PLXDC1: variants seen among roughly 807,000 people sequenced by gnomAD.
The protein encoded by PLXDC1 is plexin domain containing 1, also known as plexin domain-containing protein 1.
Under a neutral mutation model 61.3 loss-of-function variants are expected in PLXDC1, and 39 were observed. That is an observed-to-expected ratio of 0.64 (90% CI 0.49 to 0.83). The LOEUF is 0.83. Ranked by LOEUF, PLXDC1 falls within the 40% of genes least tolerant of loss-of-function variation. The pLI is 0.00. For missense variants in PLXDC1, 596 were observed against 666.5 expected (o/e 0.89, Z 1.17); for synonymous variants, 212 against 254.5 (o/e 0.83, Z 1.59).
At chr17:39,123,481 C>T (rs930929142) in intron 2 of PLXDC1, among the ~76,000 whole-genome samples, 1 of 151,812 alleles carries the variant, frequency 6.6e-6, no homozygotes, top group Non-Finnish European at 1.5e-5. Context: ...TGAGCCACCG[C>T]GCCTGGCCTC....
chr17:39,129,766 A>G (rs893752955), intron 2 of PLXDC1, among the ~76,000 whole-genome samples: 6 of 138,340 alleles, frequency 4.3e-5, no homozygotes, highest in Non-Finnish European at 8.1e-5. Context: ...AAAGAAAGAA[A>G]GAGAGAAAGA....
At chr17:39,079,815 A>G in intron 9 of PLXDC1, 1 of 328,128 alleles carries the variant, frequency 3.0e-6, no homozygotes, top group South Asian at 2.5e-5. Flanking sequence ...GGAACCCACC[A>G]AGCCCTACTC....
At chr17:39,152,437 T>G (rs1347323225), upstream of PLXDC1, 2 of 1,009,030 alleles carry the variant, frequency 2.0e-6, no homozygotes, top group Non-Finnish European at 2.6e-6. Context: ...GATAATCTTT[T>G]TATTTTTTCT....
intron 1 of PLXDC1, among the ~76,000 whole-genome samples, chr17:39,148,681 G>A (rs1365484803): frequency 6.6e-6 from 1 of 151,594 alleles, no homozygotes; most frequent in Non-Finnish European, 1.5e-5. Flanking sequence ...GTGATCCGCC[G>A]GCCTCGGCCT....
At chr17:39,070,065 G>A in intron 12 of PLXDC1, 49 bp from the exon 13 acceptor site, 2 of 1,489,210 alleles carry the variant, frequency 1.3e-6, no homozygotes, top group Non-Finnish European at 1.9e-6. Context: ...GAGCAGGGAA[G>A]GTCGAACCAT....
chr17:39,116,357 G>A (rs76115079), intron 2 of PLXDC1, among the ~76,000 whole-genome samples: 22 of 152,284 alleles, frequency 1.4e-4, no homozygotes, highest in Middle Eastern at 3.4e-3. Flanking sequence ...CCTCCCTAGC[G>A]CAGGGGTTGG....
rs75117355 is a variant in PLXDC1 at position 39,067,958 on chromosome 17, C to A, written c.1385G>T (p.Arg462Leu). 2.5e-6 allele frequency: 4 copies of A among 1,613,586 alleles called. No individual in the cohort carries two copies. The highest frequency in any genetic ancestry group is 3.4e-6 in the Non-Finnish European group (4 of 1,179,836). The change falls in exon 14 of 14, where the codon CGT (arginine) becomes CTT (leucine). Residue 462 changes from arginine to leucine, a missense_variant and splice_region_variant. Coordinates refer to ENST00000315392, the MANE Select transcript of PLXDC1 (RefSeq NM_020405.5). ...CATGGCTGGCCAGTGGTGAGGTCTA[C>A]GCTGCAGAAGGCACAGAGGCAAAGT... ...TSNAALFFIE[R>L]RPHHWPAMKF...
intron 7 of PLXDC1, among the ~76,000 whole-genome samples, chr17:39,088,301 G>A (rs1024733894): frequency 2.6e-5 from 4 of 152,160 alleles, no homozygotes; most frequent in Non-Finnish European, 4.4e-5. Context: ...ACCCCTCCTG[G>A]ACAAATCCCC....
At chr17:39,135,154 C>A (rs1328509753) in intron 2 of PLXDC1, among the ~76,000 whole-genome samples, 2 of 152,222 alleles carry the variant, frequency 1.3e-5, no homozygotes, top group African/African-American at 4.8e-5. Flanking sequence ...CTGACATCTG[C>A]ACTCTCCAGA....
chr17:39,146,519 T>A (rs1183271921), intron 1 of PLXDC1, among the ~76,000 whole-genome samples: 4 of 151,728 alleles, frequency 2.6e-5, no homozygotes, highest in African/African-American at 9.7e-5. Flanking sequence ...TCTACTAAAA[T>A]TTTTTTTAAA....
intron 7 of PLXDC1, among the ~76,000 whole-genome samples, chr17:39,092,421 A>G (rs1211447668): frequency 2.0e-5 from 3 of 152,186 alleles, no homozygotes; most frequent in Non-Finnish European, 4.4e-5. Flanking sequence ...GACGGAAAAC[A>G]TCTACTTAAA....
At chr17:39,072,410 C>G (rs748392332) in intron 12 of PLXDC1, 40 bp downstream of exon 12, 8 of 1,478,412 alleles carry the variant, frequency 5.4e-6, no homozygotes, top group Admixed American at 2.0e-5. Context: ...GTCCAAGAGG[C>G]GCTGGGTCTG....
chr17:39,109,836 C>G (rs1482487825), intron 2 of PLXDC1, among the ~76,000 whole-genome samples: 1 of 152,158 alleles, frequency 6.6e-6, no homozygotes, highest in Non-Finnish European at 1.5e-5. Context: ...GAAGAGTACC[C>G]TATTTAATGG....
intron 2 of PLXDC1, among the ~76,000 whole-genome samples, chr17:39,111,469 G>A (rs1018773387): frequency 1.3e-5 from 2 of 152,140 alleles, no homozygotes; most frequent in Non-Finnish European, 2.9e-5. Flanking sequence ...ATTTTTAGTG[G>A]AGACGGGGTT....
chr17:39,083,485 G>A lies in PLXDC1; in HGVS notation c.963C>T (p.Asn321=). Residue 321 remains asparagine, a synonymous_variant, in exon 9 of 14, where the codon AAC becomes AAT. Coordinates refer to ENST00000315392, the MANE Select transcript of PLXDC1 (RefSeq NM_020405.5). The part of the protein sequence containing the change: ...DACMSSDLTF[N]CSWCHVLQRC... Reference sequence around the variant, plus strand: ...TCTGGAGGACATGGCACCAGCTGCAGTTGAAGGTCAGGTCTGAGGACATGC... The same window carrying A: ...TCTGGAGGACATGGCACCAGCTGCAATTGAAGGTCAGGTCTGAGGACATGC... The A allele has an allele frequency of 6.2e-7, 1 of 1,614,000 alleles. No homozygotes were observed.
In PLXDC1 at chr17:39,108,695, C is replaced by T. The variant is rs6503748; in HGVS notation, c.469+209G>A. Reference sequence around the variant, plus strand: ...TCGTGCTGGCCCGAGGAGACACACACGTGCAGGCACATGAGCAGGTCAGCT... The same window carrying T: ...TCGTGCTGGCCCGAGGAGACACACATGTGCAGGCACATGAGCAGGTCAGCT... On this transcript the variant is annotated intron_variant, in intron 4 of 13. Transcript: ENST00000315392. The T allele has an allele frequency of 0.017, 10,260 of 591,834 alleles. 597 individuals are homozygous for T. Among genetic ancestry groups the T allele is most frequent in the African/African-American group, 0.14 (7,521 of 53,852 alleles). The allele number at this position is 591,834 out of a possible 1,614,324, so 36.7% of individuals were successfully genotyped here.
In PLXDC1 at chr17:39,083,445, C is replaced by T. The variant is rs773497846; in HGVS notation, c.989+14G>A. On this transcript the variant is annotated intron_variant, in intron 9 of 13. Coordinates refer to ENST00000315392, the MANE Select transcript of PLXDC1 (RefSeq NM_020405.5). Reference sequence around the variant, plus strand: ...TCGGCCAGTGGGAGTCAGCAGGTAACCCTGGGCACAAACCTCTGGAGGACA... The same window carrying T: ...TCGGCCAGTGGGAGTCAGCAGGTAATCCTGGGCACAAACCTCTGGAGGACA... 9.9e-6 allele frequency: 16 copies of T among 1,611,530 alleles called. No homozygotes were observed. The South Asian group carries it at 1.3e-4, about 13-fold the overall frequency.
chr17:39,091,548 A>T (rs1031889332), intron 7 of PLXDC1, among the ~76,000 whole-genome samples: 2 of 152,084 alleles, frequency 1.3e-5, no homozygotes, highest in East Asian at 3.9e-4. Context: ...AGCTGGACAG[A>T]GTGGGTGGGA....
In PLXDC1 at chr17:39,108,225, C is replaced by G. The variant is rs140976560; in HGVS notation, c.490G>C (p.Val164Leu). 2 of 1,614,056 alleles carry G rather than the reference C, an allele frequency of 1.2e-6. No homozygotes were observed. The highest frequency in any genetic ancestry group is 2.7e-5 in the African/African-American group (2 of 75,044). ...ATGGFIFMGDVIHRMLTATQY... is the reference protein window; with the variant it reads ...ATGGFIFMGDLIHRMLTATQY... ...GTAGCTGTGAGCATCCGATGGATCA[C>G]GTCCCCCATGAAGATGAAGCCTAGG... Residue 164 changes from valine to leucine, a missense_variant, in exon 5 of 14, where the codon GTG becomes CTG. Physicochemically the swap from Val to Leu is conservative, Grantham distance 32. Transcript: ENST00000315392.
Sources: allele counts gnomAD v4.1 joint callset (sites outside exome capture counted in the v4.1 genomes callset), GRCh38; gene constraint gnomAD v4.1.1; transcripts MANE v1.5; gene names NCBI Gene and HGNC (gene_info 2026-07-23, HGNC 2026-07-21).